Variants in STK3 observed in about 807,000 individuals in gnomAD.
STK3 encodes serine/threonine-protein kinase 3.
In STK3, 41 loss-of-function variants were observed where a neutral mutation model predicts 58.0. The observed-to-expected ratio is 0.71, with a 90% CI of 0.55 to 0.92. The LOEUF is 0.92. Among genes scored for constraint, STK3 ranks in the 40% least tolerant of loss-of-function variants. The pLI, the probability that STK3 is intolerant of heterozygous loss-of-function variation, is 0.00. For synonymous variants in STK3, 170 were observed against 191.0 expected (o/e 0.89, Z 0.91); for missense variants, 479 against 602.7 (o/e 0.79, Z 2.15).
chr8:98,816,312 A>G (rs1834536600), intron 1 of STK3, among the ~76,000 whole-genome samples: 1 of 152,180 alleles, frequency 6.6e-6, no homozygotes, highest in Non-Finnish European at 1.5e-5. Context: ...CCAGGAGTTC[A>G]AGACCAGCCT....
intron 1 of STK3, among the ~76,000 whole-genome samples, chr8:98,811,118 T>A (rs1052020095): frequency 6.6e-6 from 1 of 152,320 alleles, no homozygotes; most frequent in South Asian, 2.1e-4. Flanking sequence ...AACAGACTAA[T>A]ACAATTGGTA....
At chr8:98,584,548 G>A (rs1413716530) in intron 7 of STK3, among the ~76,000 whole-genome samples, 26 of 151,480 alleles carry the variant, frequency 1.7e-4, no homozygotes, top group African/African-American at 2.4e-4. Flanking sequence ...GAATAATGCC[G>A]CAATAAACAT....
chr8:98,614,115 A>G (rs1817444855), intron 6 of STK3, among the ~76,000 whole-genome samples: 1 of 152,224 alleles, frequency 6.6e-6, no homozygotes, highest in Admixed American at 6.5e-5. Flanking sequence ...ATATCCTCTA[A>G]CAACAAGAGA....
At chr8:98,696,648 C>A (rs969028479) in intron 6 of STK3, among the ~76,000 whole-genome samples, 27 of 152,176 alleles carry the variant, frequency 1.8e-4, no homozygotes, top group African/African-American at 6.5e-4. Flanking sequence ...TGTTTACATG[C>A]TGGATTACAT....
rs1465710663 is a variant in STK3, at chr8:98,713,198, G to A, written c.352-5887C>T. Among the ~76,000 whole-genome samples the A allele has an allele frequency of 1.3e-5, 2 of 152,060 alleles. 1 individual carries two copies. Among genetic ancestry groups the A allele is most frequent in the African/African-American group, 4.8e-5 (2 of 41,402 alleles). On this transcript the variant is annotated intron_variant, in intron 4 of 10. Coordinates refer to ENST00000419617, the MANE Select transcript of STK3 (RefSeq NM_006281.4). Reference sequence around the variant, plus strand: ...GAGAAAGCAGGAAAGATCTAAAATTGACACCCTAACATCACAATTAAAAGA... The same window carrying A: ...GAGAAAGCAGGAAAGATCTAAAATTAACACCCTAACATCACAATTAAAAGA...
chr8:98,878,088 T>G lies in STK3; in HGVS notation c.110+5559A>C, dbSNP rs919574140. 4.0e-5 allele frequency among the ~76,000 whole-genome samples: 6 copies of G among 151,420 alleles called. No individual in the cohort carries two copies. The South Asian group carries it at 1.3e-3, about 32-fold the overall frequency. On this transcript the variant is annotated intron_variant, in intron 3 of 12. Transcript: ENST00000523601. ...TTTTTTTTTTTTTTGAGTCTTGCTC[T>G]GTCACCCAGGCTGGAGTGCAGTGGT... is the stretch of plus-strand genomic sequence containing the variant.
chr8:98,580,572 T>C (rs2131731537), intron 7 of STK3, among the ~76,000 whole-genome samples: 2 of 152,334 alleles, frequency 1.3e-5, no homozygotes, highest in Middle Eastern at 3.4e-3. Context: ...TGTCAGTAGA[T>C]AGCATCAGGT....
chr8:98,406,602 GC>G (rs1221465990), intron 3 of STK3, among the ~76,000 whole-genome samples: 1 of 152,152 alleles, frequency 6.6e-6, no homozygotes, highest in Non-Finnish European at 1.5e-5. Flanking sequence ...TTCATTACAT[GC>G]AGGTGAAAGA....
At chr8:98,382,551 G>T (rs1204189575) in intron 1 of STK3, among the ~76,000 whole-genome samples, 2 of 151,942 alleles carry the variant, frequency 1.3e-5, no homozygotes, top group Non-Finnish European at 2.9e-5. Context: ...GGTGGTCTGT[G>T]TTCTAAGATT....
chr8:98,524,177 T>C (rs185899122), intron 10 of STK3, among the ~76,000 whole-genome samples: 1 of 152,364 alleles, frequency 6.6e-6, no homozygotes, highest in East Asian at 1.9e-4. Flanking sequence ...ATGTGAAAAG[T>C]TTACTTCTCA....
intron 1 of STK3, among the ~76,000 whole-genome samples, chr8:98,780,661 GA>G (rs778487309): frequency 9.8e-4 from 143 of 145,686 alleles, no homozygotes; most frequent in Middle Eastern, 3.4e-3. Context: ...AAACACAGGG[GA>G]AAAAAAAAAC....
At chr8:98,682,897 T>A (rs1823739934) in intron 6 of STK3, among the ~76,000 whole-genome samples, 1 of 152,108 alleles carries the variant, frequency 6.6e-6, no homozygotes, top group Non-Finnish European at 1.5e-5. Context: ...ACCTAGCTAT[T>A]TATGTCTCCT....
intron 2 of STK3, among the ~76,000 whole-genome samples, chr8:98,768,732 C>G (rs960678157): frequency 6.6e-6 from 1 of 152,226 alleles, no homozygotes; most frequent in Non-Finnish European, 1.5e-5. Flanking sequence ...CCCAGAATCC[C>G]CTTCCCTGAA....
At chr8:98,795,947 C>CA (rs990642996) in intron 1 of STK3, among the ~76,000 whole-genome samples, 4 of 151,850 alleles carry the variant, frequency 2.6e-5, no homozygotes, top group Admixed American at 2.0e-4. Flanking sequence ...TCAGAGATGA[C>CA]ACAAACAAAT....
At chr8:98,601,032 T>A (rs1222859550) in intron 6 of STK3, among the ~76,000 whole-genome samples, 2 of 151,982 alleles carry the variant, frequency 1.3e-5, no homozygotes, top group Non-Finnish European at 2.9e-5. Context: ...GTTTTTAAAT[T>A]TTTTTTTACT....
chr8:98,896,773 G>A (rs557506053), intron 1 of STK3, among the ~76,000 whole-genome samples: 5 of 152,224 alleles, frequency 3.3e-5, no homozygotes, highest in Admixed American at 2.6e-4. Flanking sequence ...GAGGTCAGGA[G>A]TTTGAGACCA....
chr8:98,686,476 T>A lies in STK3; in HGVS notation c.684+19991A>T, dbSNP rs191898119. 1.6e-4 allele frequency among the ~76,000 whole-genome samples: 25 copies of A among 152,302 alleles called. No homozygotes were observed. The East Asian group carries it at 4.4e-3, about 27-fold the overall frequency. On this transcript the variant is annotated intron_variant, in intron 6 of 10. Transcript: ENST00000419617. ...CTGTCCCATCATGAGAAGATACACA[T>A]TTACATGGCAGAAAATTTCAAGAGT...
intron 4 of STK3, among the ~76,000 whole-genome samples, chr8:98,741,009 T>G (rs989238001): frequency 6.6e-5 from 10 of 152,314 alleles, no homozygotes; most frequent in Middle Eastern, 3.4e-3. Flanking sequence ...GGCCATTACA[T>G]AATGGTAGAG....
intron 8 of STK3, 48 bp downstream of exon 8, chr8:98,579,616 C>T: frequency 6.3e-7 from 1 of 1,586,944 alleles, no homozygotes; most frequent in South Asian, 1.1e-5. Context: ...GAATTACAGA[C>T]AAATAACTCA....
Sources: allele counts gnomAD v4.1 joint callset (sites outside exome capture counted in the v4.1 genomes callset), GRCh38; gene constraint gnomAD v4.1.1; transcripts MANE v1.5; gene names NCBI Gene and HGNC (gene_info 2026-07-23, HGNC 2026-07-21).